The following FER variants were observed in gnomAD, a reference collection of about 807,000 sequenced individuals.
The protein encoded by FER is FER tyrosine kinase, also known as tyrosine-protein kinase Fer.
A neutral mutation model predicts 111.0 loss-of-function variants in FER; 63 were observed. The observed-to-expected ratio is 0.57, with a 90% CI of 0.46 to 0.70. The LOEUF is 0.70. Ranked by LOEUF, FER falls within the 30% of genes least tolerant of loss-of-function variation. The probability of loss-of-function intolerance (pLI) is 0.00; values close to 1 mark genes in which losing one functional copy is unlikely to be tolerated. For missense variants in FER, 914 were observed against 954.0 expected (o/e 0.96, Z 0.55); for synonymous variants, 327 against 313.9 (o/e 1.04, Z -0.44).
chr5:108,837,303 A>C (rs1760766126), intron 5 of FER, among the ~76,000 whole-genome samples: 1 of 152,194 alleles, frequency 6.6e-6, no homozygotes, highest in Non-Finnish European at 1.5e-5. Flanking sequence ...GCATTCAAGG[A>C]GCTTACAGTC....
chr5:109,177,026 CAA>C (rs1405161771), intron 17 of FER, among the ~76,000 whole-genome samples: 2 of 152,042 alleles, frequency 1.3e-5, no homozygotes, highest in African/African-American at 2.4e-5. Flanking sequence ...ATGAAACTGG[CAA>C]AGTCTGATGG....
At chr5:109,132,614 G>A (rs1311337835) in intron 17 of FER, among the ~76,000 whole-genome samples, 1 of 152,134 alleles carries the variant, frequency 6.6e-6, no homozygotes, top group African/African-American at 2.4e-5. Context: ...CTAATGCCTA[G>A]TGTCTGAGGA....
intron 17 of FER, among the ~76,000 whole-genome samples, chr5:109,166,426 T>C (rs1756565321): frequency 6.6e-6 from 1 of 152,112 alleles, no homozygotes. Flanking sequence ...TTAGCTCTGC[T>C]CCCTCCCTGA....
intron 10 of FER, among the ~76,000 whole-genome samples, chr5:108,916,077 A>G (rs571039922): frequency 6.6e-6 from 1 of 152,316 alleles, no homozygotes; most frequent in East Asian, 1.9e-4. Flanking sequence ...CTGGAGCTGT[A>G]CAAGGTAAGA....
chr5:108,825,189 G>C (rs771824137), intron 3 of FER, among the ~76,000 whole-genome samples: 21 of 152,126 alleles, frequency 1.4e-4, no homozygotes, highest in Middle Eastern at 3.4e-3. Context: ...GAGATCAACC[G>C]GTCTGACCAA....
At chr5:109,045,823 C>CT (rs1389722136) in intron 15 of FER, among the ~76,000 whole-genome samples, 3 of 152,162 alleles carry the variant, frequency 2.0e-5, no homozygotes, top group Admixed American at 2.0e-4. Context: ...TGTGCAAATC[C>CT]AGGGGGAGTT....
intron 6 of FER, 65 bp from the exon 7 acceptor site, chr5:108,871,300 T>G: frequency 7.4e-7 from 1 of 1,350,470 alleles, no homozygotes. Flanking sequence ...TTCTGAATCC[T>G]TTTTGAGATA....
chr5:109,112,246 T>C (rs1467571291), intron 17 of FER, among the ~76,000 whole-genome samples: 1 of 151,994 alleles, frequency 6.6e-6, no homozygotes, highest in African/African-American at 2.4e-5. Flanking sequence ...CAGTTGTAGA[T>C]GAAGAGGGAG....
At chr5:109,009,584 A>G (rs1296600337) in intron 13 of FER, among the ~76,000 whole-genome samples, 1 of 138,776 alleles carries the variant, frequency 7.2e-6, no homozygotes, top group Non-Finnish European at 1.7e-5. Context: ...CACTACTCTT[A>G]TAGAATCTAC....
chr5:108,827,146 T>A (rs1023056872), intron 3 of FER, among the ~76,000 whole-genome samples: 2 of 152,216 alleles, frequency 1.3e-5, no homozygotes, highest in Admixed American at 6.5e-5. Flanking sequence ...AAAGTTGGGA[T>A]TCCAACAGGA....
chr5:109,163,561 C>G (rs1393454804), intron 17 of FER, among the ~76,000 whole-genome samples: 1 of 152,106 alleles, frequency 6.6e-6, no homozygotes, highest in Non-Finnish European at 1.5e-5. Context: ...TACCGTCAGT[C>G]TTGAGTTTTA....
At chr5:109,113,876 A>G (rs187807606) in intron 17 of FER, among the ~76,000 whole-genome samples, 1 of 152,294 alleles carries the variant, frequency 6.6e-6, no homozygotes, top group Admixed American at 6.5e-5. Context: ...ATATACTGAA[A>G]ACATTATCTA....
At chr5:109,126,395 C>T (rs915894577) in intron 17 of FER, among the ~76,000 whole-genome samples, 4 of 152,136 alleles carry the variant, frequency 2.6e-5, no homozygotes, top group Non-Finnish European at 4.4e-5. Context: ...TACATATTCA[C>T]CTTATCCATT....
At chr5:108,790,359 G>T (rs940580614) in intron 2 of FER, among the ~76,000 whole-genome samples, 1 of 151,900 alleles carries the variant, frequency 6.6e-6, no homozygotes, top group African/African-American at 2.4e-5. Flanking sequence ...GATTATTGAA[G>T]TTAGAGAGCT....
intron 17 of FER, among the ~76,000 whole-genome samples, chr5:109,112,516 T>C (rs1032910607): frequency 2.0e-5 from 3 of 152,142 alleles, no homozygotes; most frequent in Non-Finnish European, 2.9e-5. Context: ...GGGCCACTGC[T>C]TCAAAGCAGG....
At chr5:108,994,230 T>A (rs1763704323) in intron 13 of FER, among the ~76,000 whole-genome samples, 1 of 152,224 alleles carries the variant, frequency 6.6e-6, no homozygotes, top group African/African-American at 2.4e-5. Flanking sequence ...TGCTAGAGTT[T>A]TTATAGTTTT....
chr5:109,163,015 T>A (rs1756154050), intron 17 of FER, among the ~76,000 whole-genome samples: 1 of 152,132 alleles, frequency 6.6e-6, no homozygotes, highest in Admixed American at 6.5e-5. Flanking sequence ...CCTTTTCCTA[T>A]CTCTGGCCCT....
chr5:109,029,960 G>C (rs1436253853), intron 13 of FER, among the ~76,000 whole-genome samples: 1 of 151,816 alleles, frequency 6.6e-6, no homozygotes, highest in Non-Finnish European at 1.5e-5. Context: ...TACAAATGTG[G>C]GATTGCTTGC....
chr5:109,056,343 G>A (rs190047137), intron 16 of FER, among the ~76,000 whole-genome samples: 1 of 152,256 alleles, frequency 6.6e-6, no homozygotes, highest in Non-Finnish European at 1.5e-5. Flanking sequence ...CAGAGAAATG[G>A]ATAAAGAAAA....
Sources: gnomAD v4.1 joint callset for allele counts (sites outside exome capture counted in the v4.1 genomes callset) on GRCh38, gnomAD v4.1.1 for gene constraint, MANE v1.5 for transcripts, NCBI Gene and HGNC (gene_info 2026-07-23, HGNC 2026-07-21) for gene names.